AGBL5: variants seen among roughly 807,000 people sequenced by gnomAD.
The protein encoded by AGBL5 is AGBL carboxypeptidase 5.
AGBL5 carries 51 observed loss-of-function variants against 88.0 expected under a neutral mutation model. The ratio of observed to expected loss-of-function variants is 0.58; its 90% CI spans 0.46 to 0.73. The LOEUF is 0.73. Ranked by LOEUF, AGBL5 falls within the 30% of genes least tolerant of loss-of-function variation. AGBL5 has a pLI of 0.00. For missense variants in AGBL5, 1,031 were observed against 1,162.2 expected, an observed-to-expected ratio of 0.89 and a Z score of 1.64; for synonymous variants, 446 against 438.8, an observed-to-expected ratio of 1.02 and a Z score of -0.21.
At chr2:27,067,464 C>G in intron 11 of AGBL5, 30 bp from the exon 12 acceptor site, 1 of 1,604,468 alleles carries the variant, frequency 6.2e-7, no homozygotes, top group Non-Finnish European at 8.5e-7. Context: ...CTTATTTGCC[C>G]TTTTATCTGC....
At position 27,069,652 on chromosome 2, in the gene AGBL5, C is replaced by A. The variant is rs371326361; in HGVS notation, c.2435C>A (p.Pro812His). ...KGSSGPTSPT[P>H]RTRESSELEL... ...TCTTCAGGCCCCACATCCCCTACCC[C>A]CCGGACCAGGGAGAGCAGTGAGCTG... The change falls in exon 14 of 15, where the codon CCC (proline) becomes CAC (histidine). Residue 812 changes from proline (P) to histidine (H), a missense_variant. Physicochemically the swap from Pro to His is moderately conservative, Grantham distance 77 (BLOSUM62 -2). Transcript: ENST00000360131. The A allele has an allele frequency of 2.5e-6, 4 of 1,614,082 alleles. No individual in the cohort carries two copies. Among genetic ancestry groups the A allele is most frequent in the Admixed American group, 1.7e-5 (1 of 60,010 alleles).
intron 14 of AGBL5, 54 bp downstream of exon 14, chr2:27,069,760 C>T (rs1018944747): frequency 6.4e-7 from 1 of 1,561,576 alleles, no homozygotes; most frequent in African/African-American, 1.4e-5. Context: ...TCCCCTCATT[C>T]CCATTTCTGT....
chr2:27,051,822 C>G (rs934448861), intron 1 of AGBL5, 29 bp downstream of exon 1: 1 of 152,062 alleles, frequency 6.6e-6, no homozygotes, highest in South Asian at 1.9e-4. Context: ...ACTACGGGCC[C>G]CGCCAGCCCC....
chr2:27,060,707 T>C (rs1032235419), intron 11 of AGBL5, among the ~76,000 whole-genome samples: 1 of 152,202 alleles, frequency 6.6e-6, no homozygotes, highest in South Asian at 2.1e-4. Context: ...CTGTGACCAT[T>C]GAGATATTCT....
chr2:27,055,435 A>T (rs1265068801), intron 6 of AGBL5, 182 bp downstream of exon 6: 5 of 955,870 alleles, frequency 5.2e-6, no homozygotes, highest in African/African-American at 1.7e-5. Context: ...CCCAGAAAGG[A>T]ACCAAACTAG....
At position 27,054,795 on chromosome 2, in the gene AGBL5, C is replaced by T. The variant is rs763726002; in HGVS notation, c.717C>T (p.Phe239=). 130 of 1,612,150 alleles carry T rather than the reference C, an allele frequency of 8.1e-5. No homozygotes were observed. Among genetic ancestry groups the T allele is most frequent in the Admixed American group, 2.0e-4 (12 of 59,846 alleles). The change falls in exon 5 of 15, where the codon TTC becomes TTT. Residue 239 remains phenylalanine, a synonymous_variant. Transcript: ENST00000360131. ...PDTSTPRPFR[F]AGKRIFFLSS... ...CCAGCACCCCTCGACCATTCCGTTT[C>T]GCAGGCAAGAGGGTGAGTGGAAATA...
At chr2:27,050,831 G>A (rs1668059118), upstream of AGBL5, among the ~76,000 whole-genome samples, 1 of 152,204 alleles carries the variant, frequency 6.6e-6, no homozygotes. Flanking sequence ...GATAGGGCGT[G>A]GCAATCCTTA....
chr2:27,067,683 G>C lies in AGBL5; in HGVS notation c.2242+37G>C, dbSNP rs772451236. ...CTGCCACTGAAATCTGGGTTTGCCA[G>C]CCTCCTCCATGGCCAGGCCAGGTTC... On this transcript the variant is annotated intron_variant, in intron 12 of 14. Coordinates refer to ENST00000360131, the MANE Select transcript of AGBL5 (RefSeq NM_021831.6). 1.9e-6 allele frequency: 3 copies of C among 1,603,108 alleles called. No individual in the cohort carries two copies. In the South Asian group the frequency reaches 3.3e-5, roughly 18 times the overall value.
intron 7 of AGBL5, chr2:27,056,349 G>C: frequency 1.6e-6 from 1 of 626,206 alleles, no homozygotes; most frequent in Non-Finnish European, 2.7e-6. Context: ...ATTAAGGAAA[G>C]CTAACTGCAT....
chr2:27,065,480 CATTG>C (rs1417408270), intron 11 of AGBL5, among the ~76,000 whole-genome samples: 10 of 152,176 alleles, frequency 6.6e-5, no homozygotes, highest in Non-Finnish European at 2.9e-5. Flanking sequence ...GTAAACAAAA[CATTG>C]ATTAAGGTCT....
chr2:27,060,150 A>G (rs1668643789), intron 11 of AGBL5, among the ~76,000 whole-genome samples: 1 of 152,254 alleles, frequency 6.6e-6, no homozygotes, highest in South Asian at 2.1e-4. Context: ...CTCTGCCTCA[A>G]AAAAAGAAAA....
intron 6 of AGBL5, 184 bp downstream of exon 6, chr2:27,055,437 C>T (rs1668378771): frequency 2.1e-6 from 2 of 941,196 alleles, no homozygotes; most frequent in Non-Finnish European, 3.1e-6. Flanking sequence ...CAGAAAGGAA[C>T]CAAACTAGGA....
chr2:27,055,436 A>G (rs1385952169), intron 6 of AGBL5, 183 bp downstream of exon 6: 4 of 948,672 alleles, frequency 4.2e-6, no homozygotes, highest in Non-Finnish European at 6.1e-6. Flanking sequence ...CCAGAAAGGA[A>G]CCAAACTAGG....
Position 27,055,919 on chromosome 2 carries a change from C to T in AGBL5, c.1146C>T (p.Asp382=). The T allele has an allele frequency of 6.2e-7, 1 of 1,614,220 alleles. No individual in the cohort carries two copies. Among genetic ancestry groups the T allele is most frequent in the Non-Finnish European group, 8.5e-7 (1 of 1,180,044 alleles). The change falls in exon 7 of 15, where the codon GAC becomes GAT. Residue 382 remains aspartate (D), a synonymous_variant. Coordinates refer to ENST00000360131, the MANE Select transcript of AGBL5 (RefSeq NM_021831.6). ...QNEAQCGHSA[D]RHNAEAWKQT... ...AAGCTCAGTGTGGGCACTCAGCTGA[C>T]AGGCATAACGCTGAAGCCTGGAAAC... is the stretch of plus-strand genomic sequence containing the variant.
chr2:27,065,922 G>C (rs1443471084), intron 11 of AGBL5, among the ~76,000 whole-genome samples: 1 of 152,158 alleles, frequency 6.6e-6, no homozygotes, highest in Non-Finnish European at 1.5e-5. Flanking sequence ...ACTATAGTGG[G>C]CAAGGCTTTG....
At chr2:27,069,994 A>G (rs1303256404) in intron 14 of AGBL5, 98 bp from the exon 15 acceptor site, 4 of 1,531,814 alleles carry the variant, frequency 2.6e-6, no homozygotes, top group African/African-American at 2.8e-5. Context: ...ACCCATCTTC[A>G]TCTCGCTCCA....
chr2:27,069,649 C>A lies in AGBL5; in HGVS notation c.2432C>A (p.Thr811Asn). ...MKGSSGPTSP[T>N]PRTRESSELE... ...GGCTCTTCAGGCCCCACATCCCCTA[C>A]CCCCCGGACCAGGGAGAGCAGTGAG... Residue 811 changes from threonine (T) to asparagine (N), a missense_variant, in exon 14 of 15, where the codon ACC (threonine) becomes AAC (asparagine). Coordinates refer to ENST00000360131, the MANE Select transcript of AGBL5 (RefSeq NM_021831.6). 6.2e-7 allele frequency: 1 copy of A among 1,614,108 alleles called. No homozygotes were observed. The highest frequency in any genetic ancestry group is 8.5e-7 in the Non-Finnish European group (1 of 1,179,974).
At chr2:27,068,574 G>A (rs1011648784) in intron 12 of AGBL5, 58 bp from the exon 13 acceptor site, 5 of 1,494,092 alleles carry the variant, frequency 3.3e-6, no homozygotes, top group East Asian at 4.6e-5. Flanking sequence ...CTGATCCTTT[G>A]GAAGTTACCT....
chr2:27,065,641 A>G (rs1055791113), intron 11 of AGBL5, among the ~76,000 whole-genome samples: 3 of 152,246 alleles, frequency 2.0e-5, no homozygotes, highest in Non-Finnish European at 2.9e-5. Context: ...TACTTTACAC[A>G]TACTAACTTA....
Sources: allele counts gnomAD v4.1 joint callset (sites outside exome capture counted in the v4.1 genomes callset), GRCh38; gene constraint gnomAD v4.1.1; transcripts MANE v1.5; gene names NCBI Gene and HGNC (gene_info 2026-07-23, HGNC 2026-07-21).